The following CCM2 variants were observed in gnomAD, a reference collection of about 807,000 sequenced individuals.
The protein encoded by CCM2 is CCM2 scaffold protein, also known as cerebral cavernous malformations 2 protein.
Under a neutral mutation model 44.9 loss-of-function variants are expected in CCM2, and 25 were observed. The ratio of observed to expected loss-of-function variants is 0.56; its 90% CI spans 0.41 to 0.78. The LOEUF (loss-of-function observed/expected upper bound fraction) is 0.78, where lower values mean the gene tolerates loss of function less well. CCM2 is among the 30% of genes least tolerant of loss of function. The pLI, the probability that CCM2 is intolerant of heterozygous loss-of-function variation, is 0.00. For synonymous variants in CCM2, 219 were observed against 241.1 expected (o/e 0.91, Z 0.85); for missense variants, 481 against 580.6 (o/e 0.83, Z 1.76).
intron 9 of CCM2, 142 bp downstream of exon 9, chr7:45,074,550 G>A: frequency 1.3e-6 from 1 of 746,542 alleles, no homozygotes. Context: ...GAGATGGCAT[G>A]AGAGCAGAGT....
intron 2 of CCM2, among the ~76,000 whole-genome samples, chr7:45,042,968 CTT>C (rs35874377): frequency 0.021 from 2,861 of 134,550 alleles, 49 homozygotes; most frequent in Non-Finnish European, 0.032. Flanking sequence ...TCTTCTTCTT[CTT>C]TTTTTTTTTT....
chr7:45,069,602 C>T (rs956674407), intron 5 of CCM2, among the ~76,000 whole-genome samples: 2 of 152,238 alleles, frequency 1.3e-5, no homozygotes, highest in Non-Finnish European at 2.9e-5. Flanking sequence ...CTTGCAATAC[C>T]ACCCCTGGGC....
rs779850799 is a variant in CCM2, at chr7:45,068,459, C to T, written c.489C>T (p.Ile163=). The change falls in exon 5 of 10, where the codon ATC becomes ATT. Residue 163 remains isoleucine (I), a synonymous_variant. Coordinates refer to ENST00000258781, the MANE Select transcript of CCM2 (RefSeq NM_031443.4). ...ACTTCTCAGCCCAGGACCCAGGGAT[C>T]TCCCCCAGCCAGAGTCTGTGTGCGG... is the stretch of plus-strand genomic sequence containing the variant. The part of the protein sequence containing the change: ...VVLKTAQDPG[I]SPSQSLCAES... 1 of 1,614,198 alleles carries T rather than the reference C, an allele frequency of 6.2e-7. No homozygotes were observed. Among genetic ancestry groups the T allele is most frequent in the South Asian group, 1.1e-5 (1 of 91,088 alleles).
chr7:45,006,929 A>G (rs1028245133), intron 1 of CCM2, among the ~76,000 whole-genome samples: 2 of 152,232 alleles, frequency 1.3e-5, no homozygotes, highest in East Asian at 1.9e-4. Flanking sequence ...TGGCAGCCCA[A>G]GAAGGCTAAT....
At chr7:45,041,072 C>T (rs1797473254) in intron 2 of CCM2, among the ~76,000 whole-genome samples, 1 of 152,116 alleles carries the variant, frequency 6.6e-6, no homozygotes, top group Non-Finnish European at 1.5e-5. Context: ...GGGAAAGGAA[C>T]AAAGATAATT....
chr7:45,025,365 C>T (rs906416615), intron 1 of CCM2, among the ~76,000 whole-genome samples: 1 of 152,186 alleles, frequency 6.6e-6, no homozygotes, highest in African/African-American at 2.4e-5. Context: ...AAAACATTTG[C>T]AGCTGTGGCC....
intron 7 of CCM2, 74 bp from the exon 8 acceptor site, chr7:45,073,386 A>C: frequency 1.1e-6 from 1 of 936,300 alleles, no homozygotes; most frequent in African/African-American, 1.6e-5. Flanking sequence ...CACGGCATGG[A>C]CTAGGTTTCC....
intron 1 of CCM2, among the ~76,000 whole-genome samples, chr7:45,014,380 C>T (rs1197594702): frequency 2.0e-5 from 3 of 152,140 alleles, no homozygotes; most frequent in Non-Finnish European, 2.9e-5. Context: ...ACCTCGTGAT[C>T]CGCCCACCTC....
At chr7:45,037,911 G>A (rs901353381) in intron 1 of CCM2, among the ~76,000 whole-genome samples, 4 of 152,234 alleles carry the variant, frequency 2.6e-5, no homozygotes, top group Non-Finnish European at 5.9e-5. Context: ...AAGAGTTGGA[G>A]TGATGTTATG....
At chr7:45,000,662 G>A (rs190709942) in intron 1 of CCM2, among the ~76,000 whole-genome samples, 12 of 152,340 alleles carry the variant, frequency 7.9e-5, no homozygotes, top group Admixed American at 7.8e-4. Context: ...CCCGGCGAGG[G>A]GCCAGAAAGC....
chr7:45,009,602 C>T lies in CCM2; in HGVS notation c.30+9239C>T, dbSNP rs540700713. On this transcript the variant is annotated intron_variant, in intron 1 of 9. Transcript: ENST00000258781. ...TGTATTTAGTAGAGATAGGGTTTCA[C>T]CATGTTGGTGGGGCTGGTCTAGAAC... 1.2e-3 allele frequency among the ~76,000 whole-genome samples: 182 copies of T among 152,096 alleles called. 1 individual carries two copies. Among genetic ancestry groups the T allele is most frequent in the African/African-American group, 4.1e-3 (172 of 41,526 alleles).
At chr7:45,039,231 G>T (rs896366605) in intron 2 of CCM2, among the ~76,000 whole-genome samples, 5 of 152,244 alleles carry the variant, frequency 3.3e-5, no homozygotes, top group Non-Finnish European at 7.3e-5. Flanking sequence ...TGGTACAGGG[G>T]CAGGTGGGGA....
intron 1 of CCM2, among the ~76,000 whole-genome samples, chr7:45,006,579 C>T (rs1461468634): frequency 8.5e-5 from 13 of 152,068 alleles, no homozygotes; most frequent in Admixed American, 8.5e-4. Flanking sequence ...CTCCTGACTC[C>T]GTGATCCACC....
At position 45,075,783 on chromosome 7, in the gene CCM2, G is replaced by A. The variant is rs145579135; in HGVS notation, c.1061G>A (p.Arg354Lys). ...GGGTGTTGTGTGTCTGCAGGTCTGA[G>A]GCCCTTCATCCCTGAGAAGGACAGC... ...DSRKFLLLGL[R>K]PFIPEKDSQH... The change falls in exon 10 of 10, where the codon AGG (arginine) becomes AAG (lysine). Residue 354 changes from arginine to lysine, a missense_variant. Transcript: ENST00000258781. The A allele has an allele frequency of 2.2e-4, 363 of 1,613,542 alleles. No individual in the cohort carries two copies. The highest frequency in any genetic ancestry group is 2.9e-4 in the Non-Finnish European group (337 of 1,180,026).
intron 1 of CCM2, among the ~76,000 whole-genome samples, chr7:45,003,716 A>T (rs1261845043): frequency 7.6e-6 from 1 of 130,838 alleles, no homozygotes. Context: ...CAACAGGGCA[A>T]GACTCCATCT....
chr7:45,007,791 G>A (rs180999168), intron 1 of CCM2, among the ~76,000 whole-genome samples: 1 of 152,014 alleles, frequency 6.6e-6, no homozygotes, highest in East Asian at 1.9e-4. Context: ...TAAACCCGTG[G>A]TGTCACTGTT....
chr7:45,040,945 G>A (rs1286790105), intron 2 of CCM2, among the ~76,000 whole-genome samples: 1 of 152,152 alleles, frequency 6.6e-6, no homozygotes, highest in African/African-American at 2.4e-5. Context: ...AGCCGAGATC[G>A]CACCCCTGCA....
chr7:45,035,343 T>C (rs931640132), intron 1 of CCM2, among the ~76,000 whole-genome samples: 1 of 152,204 alleles, frequency 6.6e-6, no homozygotes, highest in South Asian at 2.1e-4. Flanking sequence ...AGCTACTGTA[T>C]ACATCATCTG....
chr7:45,000,454 C>CCG, intron 1 of CCM2, 91 bp downstream of exon 1: 1 of 80,984 alleles, frequency 1.2e-5, no homozygotes. Flanking sequence ...CCTTGGGGCC[C>CCG]GGGGGGGGGG....
Sources: allele counts gnomAD v4.1 joint callset (sites outside exome capture counted in the v4.1 genomes callset), GRCh38; gene constraint gnomAD v4.1.1; transcripts MANE v1.5; gene names NCBI Gene and HGNC (gene_info 2026-07-23, HGNC 2026-07-21).